Variants in MMP16 observed in about 807,000 individuals in gnomAD.
The protein encoded by MMP16 is matrix metallopeptidase 16, also known as matrix metalloproteinase-16.
MMP16 carries 12 observed loss-of-function variants against 67.8 expected under a neutral mutation model. That is an observed-to-expected ratio of 0.18 (90% CI 0.11 to 0.29). MMP16 has a LOEUF of 0.29. Among genes scored for constraint, MMP16 ranks in the 10% least tolerant of loss-of-function variants. MMP16 has a pLI of 1.00. For synonymous variants in MMP16, 249 were observed against 255.9 expected (o/e 0.97, Z 0.26); for missense variants, 475 against 765.7 (o/e 0.62, Z 4.48).
chr8:88,092,763 T>A (rs1341292585), intron 6 of MMP16, among the ~76,000 whole-genome samples: 2 of 151,928 alleles, frequency 1.3e-5, no homozygotes, highest in Non-Finnish European at 2.9e-5. Context: ...TTTCCCAATT[T>A]GATCTTTGCC....
chr8:88,229,963 T>C (rs1283904802), intron 1 of MMP16, among the ~76,000 whole-genome samples: 2 of 152,102 alleles, frequency 1.3e-5, no homozygotes, highest in Admixed American at 6.6e-5. Flanking sequence ...CTTTCCTCCA[T>C]GTATAATAGT....
chr8:88,099,971 C>T (rs1809111407), intron 6 of MMP16, among the ~76,000 whole-genome samples: 1 of 151,802 alleles, frequency 6.6e-6, no homozygotes, highest in Admixed American at 6.6e-5. Flanking sequence ...CAAAGATTCT[C>T]CTCATACAGA....
chr8:88,165,152 G>A (rs1245629302), intron 4 of MMP16, among the ~76,000 whole-genome samples: 1 of 140,092 alleles, frequency 7.1e-6, no homozygotes, highest in Non-Finnish European at 1.5e-5. Context: ...AGTCCAGCCT[G>A]GGCAAAATAG....
chr8:88,143,829 G>A (rs893645824), intron 4 of MMP16, among the ~76,000 whole-genome samples: 46 of 151,968 alleles, frequency 3.0e-4, no homozygotes, highest in Non-Finnish European at 6.0e-4. Context: ...TTCAATATTA[G>A]TAAATTAAGA....
intron 1 of MMP16, among the ~76,000 whole-genome samples, chr8:88,285,596 T>A (rs567817255): frequency 6.6e-6 from 1 of 152,340 alleles, no homozygotes; most frequent in African/African-American, 2.4e-5. Context: ...TGAATCATGT[T>A]AGATACCATG....
At chr8:88,184,592 C>CAAAAAAAAAAAAAAA (rs1301244259) in intron 3 of MMP16, among the ~76,000 whole-genome samples, 14 of 38,854 alleles carry the variant, frequency 3.6e-4, no homozygotes, top group African/African-American at 1.2e-3. Context: ...AAAAAAAAAG[C>CAAAAAAAAAAAAAAA]AAAAATTAGC....
At chr8:88,160,883 C>G (rs187898254) in intron 4 of MMP16, among the ~76,000 whole-genome samples, 1 of 152,176 alleles carries the variant, frequency 6.6e-6, no homozygotes, top group African/African-American at 2.4e-5. Flanking sequence ...AGCCTCGCAT[C>G]CCTGGGATGA....
chr8:88,192,123 T>TA (rs1809178504), intron 2 of MMP16, among the ~76,000 whole-genome samples: 1 of 152,188 alleles, frequency 6.6e-6, no homozygotes, highest in South Asian at 2.1e-4. Context: ...TCCAGAAATT[T>TA]AAAAATATAC....
chr8:88,291,181 T>G (rs532024341), intron 1 of MMP16, among the ~76,000 whole-genome samples: 1 of 152,172 alleles, frequency 6.6e-6, no homozygotes, highest in East Asian at 1.9e-4. Context: ...CTCAGGAGGC[T>G]GAGGCAGGAG....
At chr8:88,228,120 A>G (rs1809799214) in intron 1 of MMP16, among the ~76,000 whole-genome samples, 1 of 152,074 alleles carries the variant, frequency 6.6e-6, no homozygotes, top group Admixed American at 6.6e-5. Flanking sequence ...AAACATTACA[A>G]TCGTCAATGC....
chr8:88,167,613 G>T, intron 4 of MMP16, 56 bp downstream of exon 4: 1 of 1,458,518 alleles, frequency 6.9e-7, no homozygotes, highest in Non-Finnish European at 9.2e-7. Context: ...TAAATCTCTT[G>T]GTTATTCTGA....
At position 88,321,928 on chromosome 8, in the gene MMP16, G is replaced by A. The variant is rs771579844; in HGVS notation, c.132+5147C>T. 2.4e-4 allele frequency among the ~76,000 whole-genome samples: 37 copies of A among 152,078 alleles called. 1 individual carries two copies. Among genetic ancestry groups the A allele is most frequent in the African/African-American group, 4.8e-5 (2 of 41,410 alleles). On this transcript the variant is annotated intron_variant, in intron 1 of 9. Coordinates refer to ENST00000286614, the MANE Select transcript of MMP16 (RefSeq NM_005941.5). ...AGTGCTCAATTACACCACATTGCTA[G>A]CTATCTTGCCATTCCCAATGTTATA...
At chr8:88,273,724 T>G (rs995233598) in intron 1 of MMP16, among the ~76,000 whole-genome samples, 1 of 152,188 alleles carries the variant, frequency 6.6e-6, no homozygotes, top group Non-Finnish European at 1.5e-5. Flanking sequence ...TGAGTGCTTA[T>G]AAATAATAGA....
In MMP16 at chr8:88,139,339, G is replaced by A. The variant is rs190444231; in HGVS notation, c.710-20478C>T. Among the ~76,000 whole-genome samples, 50 of 152,010 alleles carry A rather than the reference G, an allele frequency of 3.3e-4. No individual in the cohort carries two copies. The East Asian group carries it at 4.5e-3, about 14-fold the overall frequency. On this transcript the variant is annotated intron_variant, in intron 4 of 9. Coordinates refer to ENST00000286614, the MANE Select transcript of MMP16 (RefSeq NM_005941.5). ...AAACAATTTATGATAGGTCATCGGC[G>A]TATCCCATTATTAAATACCCCTAGT... is the stretch of plus-strand genomic sequence containing the variant.
At chr8:88,078,721 C>A (rs527407105) in intron 6 of MMP16, among the ~76,000 whole-genome samples, 6 of 152,248 alleles carry the variant, frequency 3.9e-5, no homozygotes, top group African/African-American at 1.4e-4. Flanking sequence ...AAAACCTAAT[C>A]AGTAGAACTG....
At chr8:88,116,480 A>T (rs1586159466) in intron 6 of MMP16, 27 bp downstream of exon 6, 1 of 481,420 alleles carries the variant, frequency 2.1e-6, no homozygotes, top group Non-Finnish European at 3.0e-6. Flanking sequence ...ATCTACTGTT[A>T]AAAAAAAAAA....
At chr8:88,097,406 A>G (rs1221443903) in intron 6 of MMP16, among the ~76,000 whole-genome samples, 2 of 151,680 alleles carry the variant, frequency 1.3e-5, no homozygotes, top group African/African-American at 4.8e-5. Flanking sequence ...TGATCAGATG[A>G]CTTGTGCCCA....
intron 1 of MMP16, among the ~76,000 whole-genome samples, chr8:88,294,495 CATATGT>C (rs1810980339): frequency 6.7e-6 from 1 of 149,562 alleles, no homozygotes; most frequent in African/African-American, 2.5e-5. Context: ...TCTATACACA[CATATGT>C]ATATGTCTCT....
intron 8 of MMP16, among the ~76,000 whole-genome samples, chr8:88,054,806 C>T (rs1808311407): frequency 6.6e-6 from 1 of 152,022 alleles, no homozygotes; most frequent in African/African-American, 2.4e-5. Flanking sequence ...TGTAAATTTC[C>T]GAATAAACAA....
Sources: gnomAD v4.1 joint callset for allele counts (sites outside exome capture counted in the v4.1 genomes callset) on GRCh38, gnomAD v4.1.1 for gene constraint, MANE v1.5 for transcripts, NCBI Gene and HGNC (gene_info 2026-07-23, HGNC 2026-07-21) for gene names.